The following PRKRIP1 variants were observed in gnomAD, a reference collection of about 807,000 sequenced individuals.
The protein encoded by PRKRIP1 is PRKR-interacting protein 1.
PRKRIP1 carries 29 observed loss-of-function variants against 29.3 expected under a neutral mutation model. The ratio of observed to expected loss-of-function variants is 0.99; its 90% confidence interval spans 0.74 to 1.35. PRKRIP1 has a LOEUF of 1.35. PRKRIP1 is among the 40% of genes most tolerant of loss of function. The pLI, the probability that PRKRIP1 is intolerant of heterozygous loss-of-function variation, is 0.00. For missense variants in PRKRIP1, 247 were observed against 236.8 expected, an observed-to-expected ratio of 1.04 and a Z score of -0.28; for synonymous variants, 90 against 85.1, an observed-to-expected ratio of 1.06 and a Z score of -0.32.
rs2133157913 is a variant in PRKRIP1, at chr7:102,396,446, C to T, written c.35C>T (p.Pro12Leu). Residue 12 changes from proline (P) to leucine (L), a missense_variant, in exon 1 of 6, where the codon CCG becomes CTG. Pro to Leu is a moderately conservative substitution (Grantham distance 98). Transcript: ENST00000397912. Reference protein sequence around the residue: ...ASPAASSVRPPRPKKEPQTLV... With the variant: ...ASPAASSVRPLRPKKEPQTLV... Reference sequence around the variant, plus strand: ...CCAGCCGCCTCCTCGGTGCGACCACCGAGGCCCAAGAAAGAGCCGCAGACG... The same window carrying T: ...CCAGCCGCCTCCTCGGTGCGACCACTGAGGCCCAAGAAAGAGCCGCAGACG... The T allele has an allele frequency of 6.2e-7, 1 of 1,604,166 alleles. No individual in the cohort carries two copies. Among genetic ancestry groups the T allele is most frequent in the East Asian group, 2.2e-5 (1 of 44,472 alleles).
intron 5 of PRKRIP1, among the ~76,000 whole-genome samples, chr7:102,415,045 A>G (rs1554572924): frequency 6.6e-6 from 1 of 152,170 alleles, no homozygotes; most frequent in South Asian, 2.1e-4. Context: ...GTAACAGGGT[A>G]CACTCTCACC....
At chr7:102,414,859 C>G (rs149511208) in intron 5 of PRKRIP1, among the ~76,000 whole-genome samples, 116 of 152,016 alleles carry the variant, frequency 7.6e-4, no homozygotes, top group African/African-American at 2.6e-3. Flanking sequence ...GCACTCTAGC[C>G]TGGGTGACAG....
chr7:102,409,452 T>C (rs1796318424), intron 5 of PRKRIP1, among the ~76,000 whole-genome samples: 1 of 151,796 alleles, frequency 6.6e-6, no homozygotes, highest in African/African-American at 2.4e-5. Context: ...TGTTAAGGGG[T>C]TATTGTAGCT....
intron 5 of PRKRIP1, among the ~76,000 whole-genome samples, chr7:102,409,147 C>T (rs1435828909): frequency 6.6e-6 from 1 of 152,088 alleles, no homozygotes; most frequent in Non-Finnish European, 1.5e-5. Context: ...GCACTTCAGC[C>T]TGGGTGACAG....
chr7:102,407,877 A>G (rs1244988242), intron 5 of PRKRIP1, among the ~76,000 whole-genome samples: 2 of 152,164 alleles, frequency 1.3e-5, no homozygotes, highest in Admixed American at 6.6e-5. Context: ...CTTGTCCAGG[A>G]GGGAAAATTG....
chr7:102,412,774 C>T (rs1388795486), intron 5 of PRKRIP1, among the ~76,000 whole-genome samples: 3 of 152,182 alleles, frequency 2.0e-5, no homozygotes, highest in African/African-American at 7.2e-5. Context: ...TCCTAAAAAG[C>T]AGGAGGGGCA....
intron 3 of PRKRIP1, among the ~76,000 whole-genome samples, chr7:102,403,597 A>G (rs1355508232): frequency 6.6e-6 from 1 of 152,160 alleles, no homozygotes; most frequent in Non-Finnish European, 1.5e-5. Flanking sequence ...CTTGGGTTCA[A>G]GTGATTCTCC....
chr7:102,411,371 G>T (rs868938018), intron 5 of PRKRIP1, among the ~76,000 whole-genome samples: 1 of 151,460 alleles, frequency 6.6e-6, no homozygotes, highest in Non-Finnish European at 1.5e-5. Flanking sequence ...TTCTCTGGCT[G>T]CTTGTTTTTT....
intron 5 of PRKRIP1, 73 bp downstream of exon 5, chr7:102,407,571 A>G: frequency 1.7e-6 from 2 of 1,143,728 alleles, no homozygotes; most frequent in Non-Finnish European, 2.6e-6. Flanking sequence ...CTGTCAGGAA[A>G]CACAGGGACG....
At chr7:102,424,916 A>G (rs1164349868) in intron 5 of PRKRIP1, 98 bp from the exon 6 acceptor site, 4 of 1,266,470 alleles carry the variant, frequency 3.2e-6, no homozygotes, top group Non-Finnish European at 4.3e-6. Flanking sequence ...CGGTCTAGGA[A>G]CAGGGACTTT....
intron 5 of PRKRIP1, among the ~76,000 whole-genome samples, chr7:102,424,766 C>G (rs537971747): frequency 1.3e-5 from 2 of 152,110 alleles, no homozygotes; most frequent in African/African-American, 4.8e-5. Context: ...TCGGGTCTTG[C>G]GTGTGCCTCT....
chr7:102,397,244 C>T (rs1795931933), intron 1 of PRKRIP1, among the ~76,000 whole-genome samples: 1 of 152,122 alleles, frequency 6.6e-6, no homozygotes, highest in Non-Finnish European at 1.5e-5. Flanking sequence ...ATTCTTTGGT[C>T]TTAAGAGATG....
chr7:102,400,176 G>C (rs1297480329), intron 3 of PRKRIP1, among the ~76,000 whole-genome samples: 1 of 152,010 alleles, frequency 6.6e-6, no homozygotes, highest in South Asian at 2.1e-4. Context: ...TGGGCGTGGT[G>C]GTGGGCAACT....
rs1188999047 is a variant in PRKRIP1, at chr7:102,425,195, G to GCTT, written c.*85_*86insTTC. The stretch of plus-strand genomic sequence containing the variant: ...GCGGCTGTTTGGCTCTTTCTCCCCC[G>GCTT]CAAGGACCCGCTGACCCGCTGGATG... On this transcript the variant is annotated 3_prime_UTR_variant, in exon 6 of 6. Coordinates refer to ENST00000397912, the MANE Select transcript of PRKRIP1 (RefSeq NM_024653.4). 6.5e-7 allele frequency: 1 copy of GCTT among 1,535,734 alleles called. No homozygotes were observed. The highest frequency in any genetic ancestry group is 8.7e-7 in the Non-Finnish European group (1 of 1,145,810).
chr7:102,401,716 A>C (rs1353479629), intron 3 of PRKRIP1, among the ~76,000 whole-genome samples: 1 of 149,338 alleles, frequency 6.7e-6, no homozygotes, highest in Non-Finnish European at 1.5e-5. Context: ...CTGGGCAACA[A>C]GAGTGAAACT....
chr7:102,416,355 C>T (rs1050624258), intron 5 of PRKRIP1, among the ~76,000 whole-genome samples: 3 of 152,234 alleles, frequency 2.0e-5, no homozygotes, highest in East Asian at 1.9e-4. Context: ...GAACCCACAT[C>T]GATACACTTG....
intron 5 of PRKRIP1, among the ~76,000 whole-genome samples, chr7:102,418,782 G>T (rs531092744): frequency 6.6e-6 from 1 of 152,168 alleles, no homozygotes; most frequent in Non-Finnish European, 1.5e-5. Context: ...ACATTGCTAT[G>T]TGCAGTCCCT....
chr7:102,401,889 T>C (rs1796083124), intron 3 of PRKRIP1, among the ~76,000 whole-genome samples: 1 of 151,838 alleles, frequency 6.6e-6, no homozygotes. Context: ...GGCGACAGAG[T>C]GAGACTCCTT....
At position 102,425,353 on chromosome 7, in the gene PRKRIP1, CAGAG is replaced by C. The variant is rs149879339; in HGVS notation, c.*245_*248del. On this transcript the variant is annotated 3_prime_UTR_variant, in exon 6 of 6. Coordinates refer to ENST00000397912, the MANE Select transcript of PRKRIP1 (RefSeq NM_024653.4). ...CATCCGTGCTCCTGGTAAAGGGGGA[CAGAG>C]AGCCTCACCTTGCCACATATTTGAA... 391 of 667,946 alleles carry C rather than the reference CAGAG, an allele frequency of 5.9e-4. 3 individuals carry two copies. The East Asian group carries it at 9.4e-3, about 16-fold the overall frequency. The allele number at this position is 667,946 out of a possible 1,614,324, so 41.4% of individuals were successfully genotyped here. A position where few individuals can be genotyped will look rare whatever the true frequency, so the allele number is the denominator to read the frequency against.
Sources: gnomAD v4.1 joint callset for allele counts (sites outside exome capture counted in the v4.1 genomes callset) on GRCh38, gnomAD v4.1.1 for gene constraint, MANE v1.5 for transcripts, NCBI Gene and HGNC (gene_info 2026-07-23, HGNC 2026-07-21) for gene names.